Variants in IL31RA observed in about 807,000 individuals in gnomAD.
IL31RA encodes interleukin 31 receptor A.
Under a neutral mutation model 83.7 loss-of-function variants are expected in IL31RA, and 66 were observed. The ratio of observed to expected loss-of-function variants is 0.79; its 90% CI spans 0.65 to 0.97. The LOEUF (loss-of-function observed/expected upper bound fraction) is 0.97, where lower values mean the gene tolerates loss of function less well. Ranked by LOEUF, IL31RA falls within the 50% of genes least tolerant of loss-of-function variation. The pLI is 0.00. For missense variants in IL31RA, 798 were observed against 919.4 expected (o/e 0.87, Z 1.71); for synonymous variants, 325 against 329.0 (o/e 0.99, Z 0.13).
In IL31RA at chr5:55,916,862, T is replaced by C. The variant is rs2112597198; in HGVS notation, c.2037T>C (p.Asp679=). ...NGYVTCPFRP[D]CPLGKSFEEL... is the part of the protein sequence containing the mutation. ...ATGTGACCTGCCCCTTCAGGCCTGA[T>C]TGTCCCCTGGGGAAAAGTTTTGAGG... Residue 679 remains aspartate, a synonymous_variant, in exon 15 of 15, where the codon GAT becomes GAC. Transcript: ENST00000652347. 5 of 1,614,096 alleles carry C rather than the reference T, an allele frequency of 3.1e-6. No homozygotes were observed. Among genetic ancestry groups the C allele is most frequent in the Non-Finnish European group, 4.2e-6 (5 of 1,180,010 alleles).
intron 1 of IL31RA, chr5:55,852,132 T>C (rs2112261618): frequency 1.1e-5 from 2 of 175,952 alleles, no homozygotes; most frequent in Middle Eastern, 5.7e-3. Context: ...GCATTTAGCT[T>C]TTCTCTATAG....
intron 4 of IL31RA, among the ~76,000 whole-genome samples, chr5:55,881,326 A>G (rs1054714251): frequency 6.6e-6 from 1 of 151,814 alleles, no homozygotes; most frequent in Non-Finnish European, 1.5e-5. Context: ...AAAGATAAAG[A>G]AAAAGAAAAA....
In IL31RA at chr5:55,916,803, C is replaced by T. The variant is rs373710023; in HGVS notation, c.1978C>T (p.Gln660Ter). Residue 660 changes from glutamine (Q) to a stop codon, truncating the protein, a stop_gained, in exon 15 of 15, where the codon CAG becomes TAG. Transcript: ENST00000652347. LOFTEE classifies it low-confidence loss of function (END_TRUNC). Reference sequence around the variant, plus strand: ...TTTCACAGATGAAGCCAGAACGGGTCAGGAAAACAATTTAGGAGGGGAAAA... The same window carrying T: ...TTTCACAGATGAAGCCAGAACGGGTTAGGAAAACAATTTAGGAGGGGAAAA... ...EIFTDEARTG[Q>*]ENNLGGEKNG... The T allele has an allele frequency of 2.5e-6, 4 of 1,614,038 alleles. No homozygotes were observed. Among genetic ancestry groups the T allele is most frequent in the Non-Finnish European group, 1.7e-6 (2 of 1,180,046 alleles).
chr5:55,885,947 A>G (rs137904183), intron 5 of IL31RA, among the ~76,000 whole-genome samples: 6 of 152,260 alleles, frequency 3.9e-5, no homozygotes, highest in African/African-American at 1.4e-4. Context: ...AATTCCTTCT[A>G]TTTGGCTGAG....
chr5:55,915,992 C>A (rs1482205241), intron 14 of IL31RA, among the ~76,000 whole-genome samples: 1 of 152,126 alleles, frequency 6.6e-6, no homozygotes, highest in Non-Finnish European at 1.5e-5. Flanking sequence ...TTTTTCCATC[C>A]CTAAGAGTTC....
At position 55,904,860 on chromosome 5, in the gene IL31RA, A is replaced by C. The variant is rs1373441240; in HGVS notation, c.1070-1246A>C. ...CTTTTTTTTTTTTTTTTTGCAGGAC[A>C]CTTTTGTGCCTGTATCCAGGATCAT... On this transcript the variant is annotated intron_variant, in intron 8 of 14. Transcript: ENST00000652347. Among the ~76,000 whole-genome samples the C allele has an allele frequency of 2.5e-4, 34 of 137,672 alleles. No homozygotes were observed. In the Admixed American group the frequency reaches 2.5e-3, roughly 10 times the overall value. The allele number at this position is 137,672 out of a possible 152,430, so 90.3% of individuals were successfully genotyped here. A position where few individuals can be genotyped will look rare whatever the true frequency, so the allele number is the denominator to read the frequency against.
chr5:55,914,229 A>ATATCATCTC (rs1749660298), intron 13 of IL31RA, among the ~76,000 whole-genome samples: 1 of 152,200 alleles, frequency 6.6e-6, no homozygotes, highest in Non-Finnish European at 1.5e-5. Context: ...CACTTAGTTA[A>ATATCATCTC]TGGTCAAGCT....
At position 55,855,228 on chromosome 5, in the gene IL31RA, T is replaced by C. The variant is rs10076743; in HGVS notation, c.63+3595T>C. 7.2e-3 allele frequency among the ~76,000 whole-genome samples: 1,099 copies of C among 152,018 alleles called. 15 individuals are homozygous for C. Among genetic ancestry groups the C allele is most frequent in the African/African-American group, 0.026 (1,060 of 41,446 alleles). On this transcript the variant is annotated intron_variant, in intron 1 of 14. Transcript: ENST00000652347. ...GGTGTGATCATAGCTCATTGCAGCT[T>C]CAAACTCCTGGGCCCAAGCATTGTC...
chr5:55,864,657 G>T (rs1261938394), intron 2 of IL31RA, among the ~76,000 whole-genome samples: 3 of 147,940 alleles, frequency 2.0e-5, no homozygotes, highest in African/African-American at 7.5e-5. Context: ...ACACGCTCCA[G>T]CGGACACACA....
intron 2 of IL31RA, among the ~76,000 whole-genome samples, chr5:55,861,588 G>A (rs1464256427): frequency 6.6e-6 from 1 of 152,164 alleles, no homozygotes; most frequent in Non-Finnish European, 1.5e-5. Flanking sequence ...CTGGTCCCTG[G>A]TGCCAAAATG....
chr5:55,879,441 T>TTTTTTTTTTTTTTG (rs1747064834), intron 4 of IL31RA, among the ~76,000 whole-genome samples: 1 of 125,216 alleles, frequency 8.0e-6, no homozygotes, highest in Non-Finnish European at 1.7e-5. Context: ...TTTTTTTTTT[T>TTTTTTTTTTTTTTG]TTTTTTTTTG....
At chr5:55,895,648 T>C (rs1285358012) in intron 6 of IL31RA, among the ~76,000 whole-genome samples, 1 of 152,232 alleles carries the variant, frequency 6.6e-6, no homozygotes, top group Non-Finnish European at 1.5e-5. Context: ...ATTACAGATA[T>C]TGGCTTTTAC....
intron 2 of IL31RA, chr5:55,866,539 TA>T (rs1746057532): frequency 6.9e-6 from 1 of 145,304 alleles, no homozygotes; most frequent in South Asian, 2.2e-4. Flanking sequence ...GAGGCAGGGG[TA>T]GGGGTGGGGG....
Position 55,900,098 on chromosome 5 carries a change from G to A in IL31RA, c.1035G>A (p.Val345=), listed in dbSNP as rs1161417713. ...ATAATTCTCTTGGGAAGTCTCCAGT[G>A]GCCACCCTGAGGATTCCAGCTATTC... ...ISYNSLGKSP[V]ATLRIPAIQE... is the part of the protein sequence containing the mutation. Residue 345 remains valine, a synonymous_variant, in exon 8 of 15, where the codon GTG becomes GTA. Coordinates refer to ENST00000652347, the MANE Select transcript of IL31RA (RefSeq NM_139017.7). 4 of 1,613,994 alleles carry A rather than the reference G, an allele frequency of 2.5e-6. No individual in the cohort carries two copies. The highest frequency in any genetic ancestry group is 3.4e-6 in the Non-Finnish European group (4 of 1,179,870).
intron 11 of IL31RA, among the ~76,000 whole-genome samples, chr5:55,909,588 TA>T (rs201468259): frequency 1.7e-4 from 26 of 152,074 alleles, no homozygotes; most frequent in African/African-American, 2.4e-5. Flanking sequence ...TATTTTTCAT[TA>T]AAAAAAATTA....
chr5:55,886,271 T>C (rs5868003), intron 5 of IL31RA, among the ~76,000 whole-genome samples: 1 of 117,502 alleles, frequency 8.5e-6, no homozygotes, highest in African/African-American at 4.3e-5. Context: ...TTGCTTGCTT[T>C]TTTTTTTTTT....
At chr5:55,898,617 T>TA (rs1410563840) in intron 7 of IL31RA, among the ~76,000 whole-genome samples, 5 of 146,620 alleles carry the variant, frequency 3.4e-5, no homozygotes, top group East Asian at 2.0e-4. Context: ...AAAAAGATTT[T>TA]AAATAACATA....
upstream of IL31RA, among the ~76,000 whole-genome samples, chr5:55,847,739 G>A (rs1030820876): frequency 3.9e-5 from 6 of 152,110 alleles, no homozygotes; most frequent in African/African-American, 1.2e-4. Flanking sequence ...GCTTCTATTT[G>A]GATTTCACCA....
At chr5:55,889,713 G>C (rs184468217) in intron 5 of IL31RA, among the ~76,000 whole-genome samples, 1 of 152,312 alleles carries the variant, frequency 6.6e-6, no homozygotes, top group African/African-American at 2.4e-5. Flanking sequence ...CAGGCCAGAG[G>C]CAGGAATCTC....
Sources: allele counts gnomAD v4.1 joint callset (sites outside exome capture counted in the v4.1 genomes callset), GRCh38; gene constraint gnomAD v4.1.1; transcripts MANE v1.5; gene names NCBI Gene and HGNC (gene_info 2026-07-23, HGNC 2026-07-21).